PARD3B: variants seen among roughly 807,000 people sequenced by gnomAD.
The protein encoded by PARD3B is partitioning defective 3 homolog B.
Under a neutral mutation model 130.2 loss-of-function variants are expected in PARD3B, and 103 were observed. That is an observed-to-expected ratio of 0.79 (90% confidence interval 0.67 to 0.93). The LOEUF is 0.93. Among genes scored for constraint, PARD3B ranks in the 40% least tolerant of loss-of-function variants. PARD3B has a pLI of 0.00. For synonymous variants in PARD3B, 583 were observed against 553.2 expected, an observed-to-expected ratio of 1.05 and a Z score of -0.76; for missense variants, 1,609 against 1,499.2, an observed-to-expected ratio of 1.07 and a Z score of -1.21.
intron 4 of PARD3B, among the ~76,000 whole-genome samples, chr2:205,084,713 T>C (rs560607689): frequency 5.3e-5 from 8 of 152,088 alleles, no homozygotes; most frequent in Non-Finnish European, 1.0e-4. Context: ...TTGCTCGTTT[T>C]TAGGTTTCTT....
chr2:205,437,665 A>G (rs911756176), intron 19 of PARD3B, among the ~76,000 whole-genome samples: 18 of 151,228 alleles, frequency 1.2e-4, no homozygotes, highest in Admixed American at 4.6e-4. Flanking sequence ...TAAAAGTCTG[A>G]ACATTAGACT....
intron 18 of PARD3B, among the ~76,000 whole-genome samples, chr2:205,394,012 G>A (rs2045943071): frequency 6.6e-6 from 1 of 151,948 alleles, no homozygotes; most frequent in Admixed American, 6.6e-5. Context: ...AGGATTCTAG[G>A]GACTTAGTTT....
intron 18 of PARD3B, among the ~76,000 whole-genome samples, chr2:205,385,773 T>C (rs1267098248): frequency 6.6e-6 from 1 of 152,112 alleles, no homozygotes; most frequent in Non-Finnish European, 1.5e-5. Context: ...GAGATATACT[T>C]AAGGTAGCTA....
chr2:204,652,839 G>T (rs2035526045), intron 1 of PARD3B, among the ~76,000 whole-genome samples: 2 of 151,182 alleles, frequency 1.3e-5, no homozygotes, highest in South Asian at 4.2e-4. Context: ...TGACAGGGAT[G>T]CAAGCACATA....
rs1160396052 is a variant in PARD3B at position 204,677,107 on chromosome 2, T to C, written c.121-9074T>C. 6.6e-6 allele frequency among the ~76,000 whole-genome samples: 1 copy of C among 152,166 alleles called. No individual in the cohort carries two copies. The highest frequency in any genetic ancestry group is 6.5e-5 in the Admixed American group (1 of 15,280). On this transcript the variant is annotated intron_variant, in intron 1 of 22. Transcript: ENST00000406610. The surrounding 1 kb of genome is among the most constrained non-coding windows in gnomAD (Gnocchi z 4.1). ...TTTTAGTTGGATTGGAGATCTCCTATGGTCATTTAACTCTCTGCTGTTACC... is the reference window on the plus strand; with the variant it reads ...TTTTAGTTGGATTGGAGATCTCCTACGGTCATTTAACTCTCTGCTGTTACC...
In PARD3B at chr2:205,208,720, G is replaced by A. The variant is rs930081335; in HGVS notation, c.2140+15400G>A. Reference sequence around the variant, plus strand: ...AACCACTGCTCAATGAAATAAAAGAGGATACAAACAAATGGAAGAACATTC... The same window carrying A: ...AACCACTGCTCAATGAAATAAAAGAAGATACAAACAAATGGAAGAACATTC... On this transcript the variant is annotated intron_variant, in intron 15 of 22. Coordinates refer to ENST00000406610, the MANE Select transcript of PARD3B (RefSeq NM_001302769.2). Among the ~76,000 whole-genome samples, 16 of 144,662 alleles carry A rather than the reference G, an allele frequency of 1.1e-4. 3 individuals are homozygous for A. Among genetic ancestry groups the A allele is most frequent in the Non-Finnish European group, 9.0e-5 (6 of 66,584 alleles). 94.9% of individuals were successfully genotyped at this position (144,662 alleles called of 152,430 possible). A position where few individuals can be genotyped will look rare whatever the true frequency, so the allele number is the denominator to read the frequency against.
chr2:205,489,551 T>TATATATACATATATATAC (rs144717142), intron 20 of PARD3B, among the ~76,000 whole-genome samples: 62,240 of 138,224 alleles, frequency 0.45, 15,519 homozygotes, highest in Middle Eastern at 0.65. Context: ...TATATATGTA[T>TATATATACATATATATAC]ATATATACAT....
intron 16 of PARD3B, among the ~76,000 whole-genome samples, chr2:205,277,123 C>A (rs958726676): frequency 1.3e-5 from 2 of 152,214 alleles, no homozygotes; most frequent in African/African-American, 4.8e-5. Context: ...ATTTGCCAGA[C>A]AACGAATAAT....
At chr2:204,936,453 C>A (rs1443952167) in intron 2 of PARD3B, among the ~76,000 whole-genome samples, 1 of 152,218 alleles carries the variant, frequency 6.6e-6, no homozygotes, top group Non-Finnish European at 1.5e-5. Context: ...TGTCTCCCTA[C>A]AGCATTTTTT....
intron 3 of PARD3B, among the ~76,000 whole-genome samples, chr2:204,970,774 T>C (rs1411281439): frequency 6.6e-6 from 1 of 152,256 alleles, no homozygotes. Context: ...GTTACCATGC[T>C]TGTGATCTAG....
chr2:205,366,654 A>T lies in PARD3B; in HGVS notation c.2631-34359A>T, dbSNP rs902258969. Among the ~76,000 whole-genome samples the T allele has an allele frequency of 6.6e-6, 1 of 151,904 alleles. No homozygotes were observed. Among genetic ancestry groups the T allele is most frequent in the Admixed American group, 6.5e-5 (1 of 15,278 alleles). On this transcript the variant is annotated intron_variant, in intron 18 of 22. Coordinates refer to ENST00000406610, the MANE Select transcript of PARD3B (RefSeq NM_001302769.2). The surrounding 1 kb of genome is among the most constrained non-coding windows in gnomAD (Gnocchi z 5.0). ...TGACACTCAAATCTGTCTCCTCTCA[A>T]GCCTAAATTCACACTTTTTTTTTTC... is the stretch of plus-strand genomic sequence containing the variant.
chr2:205,259,393 T>C (rs2040215003), intron 16 of PARD3B, among the ~76,000 whole-genome samples: 1 of 152,190 alleles, frequency 6.6e-6, no homozygotes, highest in South Asian at 2.1e-4. Context: ...GGAGATCTTC[T>C]TCTATTGTCT....
chr2:205,052,439 A>ATATATATG (rs1423659394), intron 4 of PARD3B, among the ~76,000 whole-genome samples: 7 of 30,226 alleles, frequency 2.3e-4, no homozygotes, highest in Non-Finnish European at 3.3e-4. Flanking sequence ...ATATATATAT[A>ATATATATG]TATATATATA....
At chr2:204,803,961 C>T (rs1008154830) in intron 2 of PARD3B, among the ~76,000 whole-genome samples, 3 of 152,160 alleles carry the variant, frequency 2.0e-5, no homozygotes, top group Admixed American at 1.3e-4. Context: ...TAGCTAATGC[C>T]TGTAATCCCT....
At chr2:204,905,946 G>A (rs776475303) in intron 2 of PARD3B, among the ~76,000 whole-genome samples, 3 of 152,162 alleles carry the variant, frequency 2.0e-5, no homozygotes, top group Non-Finnish European at 2.9e-5. Context: ...AGAGTAACAC[G>A]TCTAAGACTA....
At chr2:204,730,595 A>AAAT (rs1367294517) in intron 2 of PARD3B, among the ~76,000 whole-genome samples, 2 of 151,910 alleles carry the variant, frequency 1.3e-5, no homozygotes, top group African/African-American at 4.8e-5. Flanking sequence ...GAAAAAAAAA[A>AAAT]AAAGTAGTGG....
intron 21 of PARD3B, among the ~76,000 whole-genome samples, chr2:205,501,959 G>T (rs1324357609): frequency 6.6e-6 from 1 of 152,098 alleles, no homozygotes. Flanking sequence ...TGCCAAAAGT[G>T]ACTGATTTTA....
chr2:204,622,424 A>G (rs540190182), intron 1 of PARD3B, among the ~76,000 whole-genome samples: 1 of 152,178 alleles, frequency 6.6e-6, no homozygotes, highest in South Asian at 2.1e-4. Context: ...ATACAATTAC[A>G]TACAACTCAT....
intron 2 of PARD3B, among the ~76,000 whole-genome samples, chr2:204,940,164 G>C: frequency 6.6e-6 from 1 of 152,188 alleles, no homozygotes; most frequent in East Asian, 1.9e-4. Flanking sequence ...GAAGATTAAT[G>C]CTCTTGGAGA....
Sources: allele counts gnomAD v4.1 joint callset (sites outside exome capture counted in the v4.1 genomes callset), GRCh38; gene constraint gnomAD v4.1.1; non-coding constraint Gnocchi (gnomAD v3.1); transcripts MANE v1.5; gene names NCBI Gene and HGNC (gene_info 2026-07-23, HGNC 2026-07-21).